Variants in PREP observed in about 807,000 individuals in gnomAD.
PREP encodes the protein dJ355L5.1 (prolyl endopeptidase).
Under a neutral mutation model 87.6 loss-of-function variants are expected in PREP, and 29 were observed. The ratio of observed to expected loss-of-function variants is 0.33; its 90% CI spans 0.25 to 0.45. PREP has a LOEUF of 0.45. Ranked by LOEUF, PREP falls within the 20% of genes least tolerant of loss-of-function variation. The pLI is 1.00. For missense variants in PREP, 695 were observed against 886.5 expected (o/e 0.78, Z 2.74); for synonymous variants, 337 against 328.6 (o/e 1.03, Z -0.28).
intron 8 of PREP, 45 bp from the exon 9 acceptor site, chr6:105,329,071 T>G (rs759427099): frequency 1.4e-5 from 21 of 1,532,158 alleles, no homozygotes; most frequent in Middle Eastern, 1.7e-4. Flanking sequence ...TTTAAAAAAT[T>G]AATGAAAACA....
At chr6:105,343,231 C>T (rs550308530) in intron 7 of PREP, among the ~76,000 whole-genome samples, 8 of 152,314 alleles carry the variant, frequency 5.3e-5, no homozygotes, top group Admixed American at 4.6e-4. Context: ...CACACATCTA[C>T]ATCCATCTGA....
At chr6:105,385,789 C>T (rs1292289622) in intron 2 of PREP, among the ~76,000 whole-genome samples, 1 of 152,176 alleles carries the variant, frequency 6.6e-6, no homozygotes, top group Admixed American at 6.5e-5. Flanking sequence ...AGGTGGTTTT[C>T]TCCAAATTAC....
rs559805485 is a variant in PREP, at chr6:105,274,988, A to G, written c.*3156T>C. ...TTACCATCTGTCTCCTCCCTGGAATATCAACTGGATGAGGGCAGGACATTT... is the reference window on the plus strand; with the variant it reads ...TTACCATCTGTCTCCTCCCTGGAATGTCAACTGGATGAGGGCAGGACATTT... On this transcript the variant is annotated 3_prime_UTR_variant, in exon 15 of 15. Transcript: ENST00000652536. Among the ~76,000 whole-genome samples, 3 of 152,310 alleles carry G rather than the reference A, an allele frequency of 2.0e-5. No homozygotes were observed. Among genetic ancestry groups the G allele is most frequent in the African/African-American group, 7.2e-5 (3 of 41,572 alleles).
At chr6:105,342,063 C>T (rs1771669532) in intron 7 of PREP, among the ~76,000 whole-genome samples, 1 of 152,206 alleles carries the variant, frequency 6.6e-6, no homozygotes. Flanking sequence ...ATACCAAAGC[C>T]TGGCAGAGAC....
intron 6 of PREP, among the ~76,000 whole-genome samples, chr6:105,367,151 T>C (rs1406216463): frequency 2.0e-5 from 3 of 152,164 alleles, no homozygotes; most frequent in South Asian, 2.1e-4. Flanking sequence ...TTTTATGAGA[T>C]TATATATCAT....
intron 1 of PREP, among the ~76,000 whole-genome samples, chr6:105,402,149 C>A (rs1435657506): frequency 6.6e-6 from 1 of 152,058 alleles, no homozygotes; most frequent in Admixed American, 6.6e-5. Flanking sequence ...AAGGTCAACC[C>A]CTCTCCCTTC....
At chr6:105,379,509 T>A in intron 2 of PREP, among the ~76,000 whole-genome samples, 1 of 152,200 alleles carries the variant, frequency 6.6e-6, no homozygotes, top group East Asian at 1.9e-4. Flanking sequence ...CCATGCCTAC[T>A]TCACAGATAT....
intron 1 of PREP, among the ~76,000 whole-genome samples, chr6:105,400,693 CT>C (rs1015345947): frequency 2.0e-5 from 3 of 152,206 alleles, no homozygotes; most frequent in African/African-American, 7.2e-5. Flanking sequence ...TAGCAACTCT[CT>C]TAAGCAATGG....
chr6:105,369,110 T>C, intron 5 of PREP, 86 bp from the exon 6 acceptor site: 2 of 1,396,084 alleles, frequency 1.4e-6, no homozygotes, highest in African/African-American at 1.4e-5. Flanking sequence ...GCTAGACACA[T>C]TTAACAAGTA....
chr6:105,281,739 A>G lies in PREP; in HGVS notation c.1838+7T>C. On this transcript the variant is annotated splice_region_variant and intron_variant, in intron 14 of 14. Transcript: ENST00000652536. ...CTAACAACATATATATGTCAATAAAACCTTACTTGACAAGCCATTCAAAGT... is the reference window on the plus strand; with the variant it reads ...CTAACAACATATATATGTCAATAAAGCCTTACTTGACAAGCCATTCAAAGT... 1 of 1,612,524 alleles carries G rather than the reference A, an allele frequency of 6.2e-7. No individual in the cohort carries two copies. Among genetic ancestry groups the G allele is most frequent in the Non-Finnish European group, 8.5e-7 (1 of 1,179,492 alleles).
chr6:105,312,887 G>A (rs1021929001), intron 10 of PREP, among the ~76,000 whole-genome samples: 5 of 152,142 alleles, frequency 3.3e-5, no homozygotes, highest in Admixed American at 6.5e-5. Flanking sequence ...GCACTGGGGC[G>A]CGGCTGTATG....
intron 11 of PREP, 61 bp downstream of exon 11, chr6:105,288,697 G>T: frequency 6.3e-7 from 1 of 1,588,674 alleles, no homozygotes; most frequent in African/African-American, 1.4e-5. Flanking sequence ...GAGCACTCTG[G>T]TTTGTTTCCA....
At chr6:105,341,577 C>CA (rs879452723) in intron 7 of PREP, among the ~76,000 whole-genome samples, 1 of 151,960 alleles carries the variant, frequency 6.6e-6, no homozygotes, top group Non-Finnish European at 1.5e-5. Flanking sequence ...AAAAACCCTT[C>CA]AAAAAAATCA....
intron 10 of PREP, chr6:105,322,169 A>G (rs1031072436): frequency 1.5e-5 from 7 of 462,290 alleles, no homozygotes; most frequent in Non-Finnish European, 2.0e-5. Flanking sequence ...ATGAACCATG[A>G]AAATACCAGA....
chr6:105,385,119 G>A (rs1193050576), intron 2 of PREP, among the ~76,000 whole-genome samples: 1 of 152,032 alleles, frequency 6.6e-6, no homozygotes, highest in Non-Finnish European at 1.5e-5. Context: ...CTTGCTCCAG[G>A]GCTGGCTGGG....
intron 10 of PREP, among the ~76,000 whole-genome samples, chr6:105,291,123 T>TA (rs59869341): frequency 0.12 from 17,801 of 152,024 alleles, 1,815 homozygotes; most frequent in African/African-American, 0.28. Context: ...GCTTTATTGC[T>TA]AAAAAAAACA....
At chr6:105,311,340 T>C (rs1267576862) in intron 10 of PREP, among the ~76,000 whole-genome samples, 1 of 152,174 alleles carries the variant, frequency 6.6e-6, no homozygotes, top group African/African-American at 2.4e-5. Context: ...CCCCCTGCCC[T>C]TCATCCACTC....
chr6:105,346,564 T>G (rs1344316624), intron 7 of PREP, among the ~76,000 whole-genome samples: 1 of 152,250 alleles, frequency 6.6e-6, no homozygotes, highest in Non-Finnish European at 1.5e-5. Flanking sequence ...AGTGAAAGTC[T>G]GGGCAAATCC....
chr6:105,366,393 T>A (rs373207412), intron 6 of PREP, among the ~76,000 whole-genome samples: 1 of 152,202 alleles, frequency 6.6e-6, no homozygotes, highest in Non-Finnish European at 1.5e-5. Flanking sequence ...AGCAGGCAGT[T>A]CCAGCATGGA....
Sources: allele counts gnomAD v4.1 joint callset (sites outside exome capture counted in the v4.1 genomes callset), GRCh38; gene constraint gnomAD v4.1.1; transcripts MANE v1.5; gene names NCBI Gene and HGNC (gene_info 2026-07-23, HGNC 2026-07-21).